Variants in EXD3 observed in about 807,000 individuals in gnomAD.
EXD3 encodes the protein exonuclease 3'-5' domain containing 3.
In EXD3, 92 loss-of-function variants were observed where a neutral mutation model predicts 98.0. That is an observed-to-expected ratio of 0.94 (90% CI 0.79 to 1.12). The LOEUF is 1.12. Among genes scored for constraint, EXD3 ranks in the 50% most tolerant of loss-of-function variants. EXD3 has a pLI of 0.00. For synonymous variants in EXD3, 569 were observed against 526.0 expected, an observed-to-expected ratio of 1.08 and a Z score of -1.12; for missense variants, 1,222 against 1,191.6, an observed-to-expected ratio of 1.03 and a Z score of -0.38.
In EXD3 at chr9:137,385,692, C is replaced by T. The variant is rs1836556740; in HGVS notation, c.56-2315G>A. Among the ~76,000 whole-genome samples, 1 of 152,052 alleles carries T rather than the reference C, an allele frequency of 6.6e-6. No individual in the cohort carries two copies. Among genetic ancestry groups the T allele is most frequent in the Non-Finnish European group, 1.5e-5 (1 of 68,034 alleles). On this transcript the variant is annotated intron_variant, in intron 2 of 21. Coordinates refer to ENST00000340951, the MANE Select transcript of EXD3 (RefSeq NM_017820.5). This position sits in a 1 kb window ranked among gnomAD's most constrained non-coding sequence, Gnocchi z 4.4. ...GGGAGTACAGGCGCTCACCGCTACG[C>T]CTGGCTAATTTTTGTATTTTTAGTA...
rs1368878984 is a variant in EXD3 at position 137,373,062 on chromosome 9, C to T, written c.305G>A (p.Arg102Lys). Residue 102 changes from arginine (R) to lysine (K), a missense_variant, in exon 5 of 22, where the codon AGG (arginine) becomes AAG (lysine). By Grantham distance (26) the Arg-to-Lys change is conservative (BLOSUM62 2). Transcript: ENST00000340951. ...PCPSLAQHSL[R>K]LKQLQARAVK... is the part of the protein sequence containing the mutation. ...CGCTCGGGCCTGCAGCTGCTTCAGC[C>T]TCAGGCTGTGCTGGAAGAGCAGGGA... The T allele has an allele frequency of 6.3e-7, 1 of 1,579,112 alleles. No homozygotes were observed. Among genetic ancestry groups the T allele is most frequent in the Admixed American group, 1.8e-5 (1 of 56,784 alleles).
At chr9:137,362,364 TA>T (rs1307939652) in intron 7 of EXD3, among the ~76,000 whole-genome samples, 1 of 152,316 alleles carries the variant, frequency 6.6e-6, no homozygotes, top group East Asian at 1.9e-4. Flanking sequence ...ATAGAAACAT[TA>T]AATGGTGCAA....
chr9:137,311,730 G>C (rs757151459), intron 19 of EXD3, among the ~76,000 whole-genome samples: 80 of 152,340 alleles, frequency 5.3e-4, no homozygotes, highest in Non-Finnish European at 9.3e-4. Context: ...CCCACTGGCT[G>C]TGCCCGCCCT....
rs1009724037 is a variant in EXD3, at chr9:137,324,837, C to T, written c.1999-694G>A. On this transcript the variant is annotated intron_variant, in intron 17 of 21. Transcript: ENST00000340951. This position sits in a 1 kb window ranked among gnomAD's most constrained non-coding sequence, Gnocchi z 4.1. ...CCTCCCAAGTAGCTAGGACTACAGG[C>T]GCCAGCCACCGTGCCTGGCTAATTT... Among the ~76,000 whole-genome samples the T allele has an allele frequency of 5.3e-5, 8 of 152,248 alleles. No individual in the cohort carries two copies. Among genetic ancestry groups the T allele is most frequent in the Middle Eastern group, 3.4e-3 (1 of 294 alleles).
At chr9:137,353,345 C>T (rs1564504797) in intron 10 of EXD3, 1 of 985,318 alleles carries the variant, frequency 1.0e-6, no homozygotes, top group Admixed American at 6.2e-5. Flanking sequence ...ACCCCGGGTC[C>T]CAGGAGCCCG....
intron 2 of EXD3, among the ~76,000 whole-genome samples, chr9:137,386,035 C>T (rs867165479): frequency 6.6e-6 from 1 of 152,018 alleles, no homozygotes; most frequent in African/African-American, 2.4e-5. Flanking sequence ...GTGGCTTACA[C>T]TTGTAATCCC....
rs1415372429 is a variant in EXD3, at chr9:137,407,237, C to T, written c.-47-11833G>A. On this transcript the variant is annotated intron_variant, in intron 1 of 21. Coordinates refer to ENST00000340951, the MANE Select transcript of EXD3 (RefSeq NM_017820.5). The surrounding 1 kb of genome is among the most constrained non-coding windows in gnomAD (Gnocchi z 4.4). ...GTCCCAGGCGCCTCCCCTACCCGCACGCCCAGGCTGGGTCTCCGTTTCCCA... is the reference window on the plus strand; with the variant it reads ...GTCCCAGGCGCCTCCCCTACCCGCATGCCCAGGCTGGGTCTCCGTTTCCCA... 6.6e-6 allele frequency among the ~76,000 whole-genome samples: 1 copy of T among 152,202 alleles called. No homozygotes were observed. The highest frequency in any genetic ancestry group is 1.5e-5 in the Non-Finnish European group (1 of 68,026).
At chr9:137,317,089 G>C (rs1033045930) in intron 19 of EXD3, among the ~76,000 whole-genome samples, 33 of 152,158 alleles carry the variant, frequency 2.2e-4, no homozygotes, top group African/African-American at 6.0e-4. Context: ...GGGCCTGGAG[G>C]GGGTGGGAAG....
chr9:137,413,918 T>C (rs1379620259), intron 1 of EXD3, among the ~76,000 whole-genome samples: 1 of 150,790 alleles, frequency 6.6e-6, no homozygotes, highest in Non-Finnish European at 1.5e-5. Context: ...GTTTTTTTTT[T>C]CTTTTTTTTT....
chr9:137,348,282 C>T (rs768974173), intron 16 of EXD3, 44 bp from the exon 17 acceptor site: 4 of 1,575,458 alleles, frequency 2.5e-6, no homozygotes, highest in East Asian at 2.3e-5. Context: ...CACCCCCCAG[C>T]CCCTCACAGC....
Position 137,373,453 on chromosome 9 carries a change from C to A in EXD3, c.267G>T (p.Gln89His). ...GGGCCAGGCTCGGGCATGGCTGTGC[C>A]TGTAGCCAGCACTGCAGCTGGTGGG... ...WISHQLQCWL[Q>H]AQPCPSLAQH... The change falls in exon 4 of 22, where the codon CAG becomes CAT. Residue 89 changes from glutamine (Q) to histidine (H), a missense_variant. Transcript: ENST00000340951. The A allele has an allele frequency of 6.2e-7, 1 of 1,609,096 alleles. No individual in the cohort carries two copies. The highest frequency in any genetic ancestry group is 1.3e-5 in the African/African-American group (1 of 75,006).
At chr9:137,383,435 A>G (rs1836423093) in intron 2 of EXD3, 58 bp from the exon 3 acceptor site, 2 of 1,346,964 alleles carry the variant, frequency 1.5e-6, no homozygotes, top group Non-Finnish European at 2.0e-6. Flanking sequence ...GCTATCGCAC[A>G]GCCCGCCGGG....
intron 6 of EXD3, 72 bp downstream of exon 6, chr9:137,367,864 A>G: frequency 6.8e-7 from 1 of 1,479,436 alleles, no homozygotes; most frequent in Non-Finnish European, 9.3e-7. Flanking sequence ...GACCTCCAAC[A>G]AACACTGTTT....
chr9:137,345,219 T>C (rs959438207), intron 17 of EXD3, among the ~76,000 whole-genome samples: 8 of 152,286 alleles, frequency 5.3e-5, no homozygotes, highest in Non-Finnish European at 1.2e-4. Context: ...TCGCCCGGAA[T>C]GCTTTCTTTC....
chr9:137,355,507 GGAGGAAGGAGGAAGGAGGAT>G (rs1564508364), intron 8 of EXD3, among the ~76,000 whole-genome samples: 9 of 111,722 alleles, frequency 8.1e-5, no homozygotes, highest in Admixed American at 2.5e-4. Flanking sequence ...GAAGGAGGAA[GGAGGAAGGAGGAAGGAGGAT>G]GGAGGAAGGA....
Position 137,347,276 on chromosome 9 carries a change from C to T in EXD3, c.1998+795G>A, listed in dbSNP as rs1180704337. Among the ~76,000 whole-genome samples the T allele has an allele frequency of 6.6e-6, 1 of 152,086 alleles. No homozygotes were observed. Among genetic ancestry groups the T allele is most frequent in the Non-Finnish European group, 1.5e-5 (1 of 68,006 alleles). On this transcript the variant is annotated intron_variant, in intron 17 of 21. Transcript: ENST00000340951. The surrounding 1 kb of genome is among the most constrained non-coding windows in gnomAD (Gnocchi z 4.2). ...ACGGCAGGCTCCTCTTAGGAGACTC[C>T]GGGGAAGAACCTGCTTCTGGGCTTG...
At chr9:137,327,220 G>A (rs1347330265) in intron 17 of EXD3, among the ~76,000 whole-genome samples, 1 of 149,972 alleles carries the variant, frequency 6.7e-6, no homozygotes, top group African/African-American at 2.5e-5. Flanking sequence ...TGCAAGTTCT[G>A]CCTCCCGGGT....
In EXD3 at chr9:137,371,162, T is replaced by C. The variant is rs998965466; in HGVS notation, c.462+1743A>G. ...GGCGCATTCAGCCGGCCCCAGACAG[T>C]CTTTGAAAGGCTCTGTAACAGAAGA... On this transcript the variant is annotated intron_variant, in intron 5 of 21. Coordinates refer to ENST00000340951, the MANE Select transcript of EXD3 (RefSeq NM_017820.5). This position sits in a 1 kb window ranked among gnomAD's most constrained non-coding sequence, Gnocchi z 8.0. 2.0e-4 allele frequency among the ~76,000 whole-genome samples: 30 copies of C among 152,136 alleles called. No homozygotes were observed. Among genetic ancestry groups the C allele is most frequent in the African/African-American group, 6.8e-4 (28 of 41,424 alleles).
intron 7 of EXD3, among the ~76,000 whole-genome samples, chr9:137,361,867 A>T (rs1835011190): frequency 6.6e-6 from 1 of 152,102 alleles, no homozygotes; most frequent in African/African-American, 2.4e-5. Context: ...ACAAAAAGAC[A>T]CAAATCACCA....
Sources: gnomAD v4.1 joint callset for allele counts (sites outside exome capture counted in the v4.1 genomes callset) on GRCh38, gnomAD v4.1.1 for gene constraint, Gnocchi (gnomAD v3.1) non-coding constraint, MANE v1.5 for transcripts, NCBI Gene and HGNC (gene_info 2026-07-23, HGNC 2026-07-21) for gene names.